Variants in REV3L observed in about 807,000 individuals in gnomAD.
The protein encoded by REV3L is DNA polymerase zeta catalytic subunit.
A neutral mutation model predicts 299.4 loss-of-function variants in REV3L; 69 were observed. That is an observed-to-expected ratio of 0.23 (90% CI 0.19 to 0.28). The LOEUF is 0.28. Among genes scored for constraint, REV3L ranks in the 10% least tolerant of loss-of-function variants. The pLI, the probability that REV3L is intolerant of heterozygous loss-of-function variation, is 1.00. For missense variants in REV3L, 3,128 were observed against 3,693.8 expected, an observed-to-expected ratio of 0.85 and a Z score of 3.97; for synonymous variants, 1,238 against 1,271.4, an observed-to-expected ratio of 0.97 and a Z score of 0.56.
intron 31 of REV3L, among the ~76,000 whole-genome samples, chr6:111,300,907 G>C (rs945233917): frequency 9.9e-5 from 15 of 152,196 alleles, no homozygotes. Flanking sequence ...CAGGATAACA[G>C]CGATTTGCAG....
rs762065426 is a variant in REV3L, at chr6:111,372,622, A to G, written c.5733T>C (p.Asn1911=). ...ETIYQEPFCS[N]PSDVPEKPRE... is the part of the protein sequence containing the mutation. ...TGGGCTTTTCTGGTACATCAGAAGGATTACTGCAAAATGGTTCCTGGTAAA... is the reference window on the plus strand; with the variant it reads ...TGGGCTTTTCTGGTACATCAGAAGGGTTACTGCAAAATGGTTCCTGGTAAA... Residue 1911 remains asparagine, a synonymous_variant, in exon 13 of 32, where the codon AAT becomes AAC. Coordinates refer to ENST00000368802, the MANE Select transcript of REV3L (RefSeq NM_001372078.1). 3.3e-6 allele frequency: 5 copies of G among 1,505,434 alleles called. No individual in the cohort carries two copies. Among genetic ancestry groups the G allele is most frequent in the Non-Finnish European group, 4.4e-6 (5 of 1,129,172 alleles). 93.3% of individuals were successfully genotyped at this position (1,505,434 alleles called of 1,614,324 possible).
At chr6:111,369,989 T>C (rs546210063) in intron 13 of REV3L, among the ~76,000 whole-genome samples, 9 of 151,940 alleles carry the variant, frequency 5.9e-5, no homozygotes, top group Admixed American at 2.0e-4. Flanking sequence ...CATGCCACCA[T>C]GCCCAGCTAA....
At chr6:111,468,144 G>T (rs1791731735) in intron 1 of REV3L, among the ~76,000 whole-genome samples, 1 of 152,104 alleles carries the variant, frequency 6.6e-6, no homozygotes, top group South Asian at 2.1e-4. Context: ...GGATCCTTTT[G>T]AAGTTTTTCA....
At chr6:111,308,093 T>C (rs1183808328) in intron 30 of REV3L, 2 of 319,064 alleles carry the variant, frequency 6.3e-6, no homozygotes, top group Non-Finnish European at 1.2e-5. Context: ...GCTTCATCCA[T>C]GTCCCTGCAA....
At chr6:111,482,671 T>C (rs2128350595) in intron 1 of REV3L, 79 bp downstream of exon 1, 3 of 918,548 alleles carry the variant, frequency 3.3e-6, no homozygotes, top group Non-Finnish European at 4.1e-6. Context: ...CGGTGGCGTG[T>C]GCGCGTGTGC....
chr6:111,415,360 G>C (rs1367054579), intron 2 of REV3L, among the ~76,000 whole-genome samples: 1 of 152,148 alleles, frequency 6.6e-6, no homozygotes, highest in Admixed American at 6.5e-5. Context: ...ATGTTTTACA[G>C]ATCTGCTTTA....
intron 13 of REV3L, 77 bp from the exon 14 acceptor site, chr6:111,368,105 A>T: frequency 2.3e-6 from 3 of 1,293,688 alleles, no homozygotes; most frequent in Non-Finnish European, 3.1e-6. Context: ...TATCCTAGAT[A>T]AAGTCCCTTT....
chr6:111,365,215 G>C, intron 15 of REV3L, 50 bp downstream of exon 15: 1 of 1,159,054 alleles, frequency 8.6e-7, no homozygotes, highest in Non-Finnish European at 1.2e-6. Flanking sequence ...TGAAATCTAG[G>C]AAAAAGACTG....
At chr6:111,476,880 C>T (rs1680460953) in intron 1 of REV3L, among the ~76,000 whole-genome samples, 2 of 152,190 alleles carry the variant, frequency 1.3e-5, no homozygotes, top group African/African-American at 2.4e-5. Flanking sequence ...TCTCCCACTA[C>T]ATTTCTGGAA....
intron 1 of REV3L, among the ~76,000 whole-genome samples, chr6:111,423,728 G>C (rs1457901373): frequency 6.6e-6 from 1 of 152,180 alleles, no homozygotes; most frequent in Non-Finnish European, 1.5e-5. Context: ...GTCAGTAGAG[G>C]TGGAGAAAAG....
chr6:111,461,198 T>C (rs545353065), intron 1 of REV3L, among the ~76,000 whole-genome samples: 2 of 152,228 alleles, frequency 1.3e-5, no homozygotes, highest in East Asian at 1.9e-4. Context: ...ATGTGTGTAA[T>C]TGTCCCTGAA....
At chr6:111,381,648 A>G (rs1418661873) in intron 9 of REV3L, among the ~76,000 whole-genome samples, 1 of 152,218 alleles carries the variant, frequency 6.6e-6, no homozygotes, top group Non-Finnish European at 1.5e-5. Context: ...CAAACACTGA[A>G]TCTATAAATC....
At chr6:111,455,533 C>T (rs912435343) in intron 1 of REV3L, among the ~76,000 whole-genome samples, 1 of 151,954 alleles carries the variant, frequency 6.6e-6, no homozygotes, top group Non-Finnish European at 1.5e-5. Context: ...GGGCTATAAT[C>T]TAAAATATAT....
At chr6:111,360,468 ATCT>A (rs1778537513) in intron 16 of REV3L, among the ~76,000 whole-genome samples, 3 of 133,442 alleles carry the variant, frequency 2.2e-5, no homozygotes, top group Admixed American at 7.8e-5. Context: ...TTGTTAAATA[ATCT>A]TTTTTTTTTT....
chr6:111,331,468 A>G (rs183079984), intron 24 of REV3L, among the ~76,000 whole-genome samples: 1 of 152,224 alleles, frequency 6.6e-6, no homozygotes, highest in East Asian at 1.9e-4. Flanking sequence ...TTAAAGATTT[A>G]AAACCTAAAT....
In REV3L at chr6:111,373,530, A is replaced by G; in HGVS notation, c.4825T>C (p.Ser1609Pro). The change falls in exon 13 of 32, where the codon TCT (serine) becomes CCT (proline). Residue 1609 changes from serine (S) to proline (P), a missense_variant. Ser to Pro is a moderately conservative substitution (Grantham distance 74). Around this residue, in one of 9 missense-constraint regions of REV3L, gnomAD observed 2,409 missense variants for 2,611.8 expected, o/e 0.92. Transcript: ENST00000368802. ...GATACAGAGTTATCCAACTGGCTAG[A>G]GTTTTGTAAATTTAAAGAGTCTACT... Reference protein sequence around the residue: ...LKVDSLNLQNSSQLDNSVSDD... With the variant: ...LKVDSLNLQNPSQLDNSVSDD... 2 of 1,613,334 alleles carry G rather than the reference A, an allele frequency of 1.2e-6. 1 individual carries two copies. Among genetic ancestry groups the G allele is most frequent in the Middle Eastern group, 3.3e-4 (2 of 6,058 alleles).
intron 4 of REV3L, among the ~76,000 whole-genome samples, chr6:111,398,067 T>C (rs755002710): frequency 1.4e-5 from 2 of 147,462 alleles, no homozygotes; most frequent in African/African-American, 2.5e-5. Flanking sequence ...ACTCTCAGCA[T>C]TGGACAGATG....
At chr6:111,361,292 G>T (rs978066060) in intron 16 of REV3L, 5 of 152,122 alleles carry the variant, frequency 3.3e-5, no homozygotes, top group African/African-American at 1.2e-4. Flanking sequence ...GCTGAGGCAG[G>T]AGAACTGCTT....
chr6:111,311,448 A>G, intron 28 of REV3L, 189 bp from the exon 29 acceptor site: 1 of 418,694 alleles, frequency 2.4e-6, no homozygotes, highest in Non-Finnish European at 4.2e-6. Context: ...AGAGCTTGCT[A>G]TTTCTAAAAA....
Sources: allele counts gnomAD v4.1 joint callset (sites outside exome capture counted in the v4.1 genomes callset), GRCh38; gene constraint gnomAD v4.1.1; regional missense constraint gnomAD v4.1.1; transcripts MANE v1.5; gene names NCBI Gene and HGNC (gene_info 2026-07-23, HGNC 2026-07-21).